The following TUBA1C variants were observed in gnomAD, a reference collection of about 807,000 sequenced individuals.
The protein encoded by TUBA1C is tubulin alpha-1C chain.
TUBA1C carries 16 observed loss-of-function variants against 34.9 expected under a neutral mutation model. That is an observed-to-expected ratio of 0.46 (90% CI 0.31 to 0.70). The LOEUF is 0.70. Ranked by LOEUF, TUBA1C falls within the 30% of genes least tolerant of loss-of-function variation. The probability of loss-of-function intolerance (pLI) is 0.05; values close to 1 mark genes in which losing one functional copy is unlikely to be tolerated. For synonymous variants in TUBA1C, 177 were observed against 215.9 expected (o/e 0.82, Z 1.58); for missense variants, 329 against 587.3 (o/e 0.56, Z 4.55).
intron 1 of TUBA1C, among the ~76,000 whole-genome samples, chr12:49,265,396 A>G (rs1260789900): frequency 6.6e-6 from 1 of 152,196 alleles, no homozygotes; most frequent in African/African-American, 2.4e-5. Flanking sequence ...GGGTGCGGCC[A>G]TCAGTGGAAA....
Position 49,273,475 on chromosome 12 carries a change from G to A in TUBA1C, c.*248G>A, listed in dbSNP as rs1327074919. On this transcript the variant is annotated 3_prime_UTR_variant, in exon 4 of 4. Transcript: ENST00000301072. ...ATAATACATAGCTCATTGCAGCCTC[G>A]AGCTCCTGGACTCATGTGATTCTCC... 5 of 576,488 alleles carry A rather than the reference G, an allele frequency of 8.7e-6. No homozygotes were observed. The highest frequency in any genetic ancestry group is 3.8e-5 in the African/African-American group (2 of 53,308). 35.7% of individuals were successfully genotyped at this position (576,488 alleles called of 1,614,324 possible).
intron 1 of TUBA1C, among the ~76,000 whole-genome samples, chr12:49,240,065 CA>C (rs1157345951): frequency 1.3e-5 from 2 of 151,728 alleles, no homozygotes; most frequent in African/African-American, 4.9e-5. Context: ...CACACACACA[CA>C]CACACACACA....
chr12:49,238,229 A>G (rs1592273702), intron 1 of TUBA1C, among the ~76,000 whole-genome samples: 1 of 152,306 alleles, frequency 6.6e-6, no homozygotes, highest in East Asian at 1.9e-4. Context: ...GGCTAGTGCC[A>G]CATCTATTGT....
At chr12:49,234,722 A>G (rs893177241) in intron 1 of TUBA1C, among the ~76,000 whole-genome samples, 4 of 152,260 alleles carry the variant, frequency 2.6e-5, no homozygotes, top group Non-Finnish European at 5.9e-5. Flanking sequence ...GCCTTTCTTC[A>G]CATATCGCTG....
At chr12:49,265,067 G>T, upstream of TUBA1C, 7 of 1,374,196 alleles carry the variant, frequency 5.1e-6, no homozygotes, top group Non-Finnish European at 5.7e-6. Context: ...GCCCTTCGGG[G>T]CCGGCCACCC....
chr12:49,265,091 C>A lies in TUBA1C; in HGVS notation c.-91C>A. ...GGCCGGCCACCCTTTCACTACTTCT[C>A]CCCCGGACTCCTTGGTAGTCTGTTA... On this transcript the variant is annotated 5_prime_UTR_variant, in exon 1 of 4. Coordinates refer to ENST00000301072, the MANE Select transcript of TUBA1C (RefSeq NM_032704.5). 4 of 1,486,608 alleles carry A rather than the reference C, an allele frequency of 2.7e-6. No homozygotes were observed. In the South Asian group the frequency reaches 4.2e-5, roughly 15 times the overall value. The allele number at this position is 1,486,608 out of a possible 1,614,324, so 92.1% of individuals were successfully genotyped here. A position where few individuals can be genotyped will look rare whatever the true frequency, so the allele number is the denominator to read the frequency against.
At chr12:49,270,915 C>G (rs1206812545) in intron 3 of TUBA1C, among the ~76,000 whole-genome samples, 1 of 152,034 alleles carries the variant, frequency 6.6e-6, no homozygotes, top group Non-Finnish European at 1.5e-5. Context: ...GGAGGCGGAG[C>G]TTGCAGTGAG....
intron 1 of TUBA1C, among the ~76,000 whole-genome samples, chr12:49,268,474 C>T (rs552075229): frequency 1.6e-4 from 25 of 152,090 alleles, no homozygotes; most frequent in African/African-American, 4.8e-4. Flanking sequence ...AACTCCTGAC[C>T]TCAAGTGATC....
At chr12:49,267,733 C>T (rs1447781652) in intron 1 of TUBA1C, among the ~76,000 whole-genome samples, 1 of 152,118 alleles carries the variant, frequency 6.6e-6, no homozygotes, top group Non-Finnish European at 1.5e-5. Context: ...GGTGAGTAGA[C>T]CCAGGTGATA....
chr12:49,269,768 T>A, intron 2 of TUBA1C, 60 bp from the exon 3 acceptor site: 1 of 1,613,418 alleles, frequency 6.2e-7, no homozygotes, highest in Non-Finnish European at 8.5e-7. Context: ...CGCTGGTCAC[T>A]CACCCACTCT....
At chr12:49,260,127 T>C (rs886341467), upstream of TUBA1C, among the ~76,000 whole-genome samples, 7 of 152,156 alleles carry the variant, frequency 4.6e-5, no homozygotes, top group South Asian at 2.1e-4. Context: ...CTGTAGACAA[T>C]TGAAGAATAT....
intron 1 of TUBA1C, among the ~76,000 whole-genome samples, chr12:49,230,968 G>A (rs1284479580): frequency 4.6e-5 from 7 of 152,174 alleles, no homozygotes; most frequent in Non-Finnish European, 1.0e-4. Context: ...ATGAGATAAT[G>A]TATGAAAAGA....
rs1035566009 is a variant in TUBA1C, at chr12:49,257,778, CA to C, written c.214-11679del. 1.3e-4 allele frequency: 20 copies of C among 150,228 alleles called. No homozygotes were observed. The South Asian group carries it at 1.6e-3, about 12-fold the overall frequency. The allele number at this position is 150,228 out of a possible 1,614,324, so 9.3% of individuals were successfully genotyped here. On this transcript the variant is annotated intron_variant, in intron 1 of 3. Transcript: ENST00000541364. ...TGGGTGACAGAGGGAGACCCTGTTT[CA>C]AAAAAAATGTTGTACAGCTGTACAA...
chr12:49,265,914 T>TC (rs1942901756), intron 1 of TUBA1C, among the ~76,000 whole-genome samples: 1 of 131,392 alleles, frequency 7.6e-6, no homozygotes, highest in East Asian at 2.4e-4. Flanking sequence ...CAGCACTTGT[T>TC]CGAGACAAAC....
chr12:49,232,425 G>A (rs1465592826), intron 1 of TUBA1C, among the ~76,000 whole-genome samples: 1 of 152,138 alleles, frequency 6.6e-6, no homozygotes, highest in Non-Finnish European at 1.5e-5. Flanking sequence ...CAAGCCACGT[G>A]TGGATTTCGG....
intron 1 of TUBA1C, chr12:49,256,460 A>T (rs367947073): frequency 4.4e-6 from 2 of 455,342 alleles, no homozygotes; most frequent in Non-Finnish European, 8.8e-6. Flanking sequence ...AGGGAACTGG[A>T]TAAGAAGTCG....
rs1206800392 is a variant in TUBA1C at position 49,272,421 on chromosome 12, G to A, written c.544G>A (p.Val182Ile). The change falls in exon 4 of 4, where the codon GTT becomes ATT. Residue 182 changes from valine to isoleucine, a missense_variant. Around this residue, in one of 4 missense-constraint regions of TUBA1C, gnomAD observed 152 missense variants for 240.3 expected, o/e 0.63. Transcript: ENST00000301072. ...YPAPQVSTAVVEPYNSILTTH... is the reference protein window; with the variant it reads ...YPAPQVSTAVIEPYNSILTTH... ...GGCGCCCCAGGTTTCCACAGCTGTAGTTGAGCCCTACAACTCCATCCTCAC... is the reference window on the plus strand; with the variant it reads ...GGCGCCCCAGGTTTCCACAGCTGTAATTGAGCCCTACAACTCCATCCTCAC... The A allele has an allele frequency of 6.2e-6, 10 of 1,613,654 alleles. No individual in the cohort carries two copies. The African/African-American group carries it at 1.2e-4, about 19-fold the overall frequency.
chr12:49,238,414 G>A (rs2136991100), intron 1 of TUBA1C, among the ~76,000 whole-genome samples: 1 of 152,208 alleles, frequency 6.6e-6, no homozygotes, highest in South Asian at 2.1e-4. Flanking sequence ...GATAGTAGCT[G>A]GGTGTTCTCT....
rs535448025 is a variant in TUBA1C, at chr12:49,254,495, A to C, written c.214-14970A>C. Among the ~76,000 whole-genome samples, 902 of 151,242 alleles carry C rather than the reference A, an allele frequency of 6.0e-3. 13 individuals are homozygous for C. Among genetic ancestry groups the C allele is most frequent in the East Asian group, 0.024 (126 of 5,154 alleles). ...AGGCTCCATCTAAACAAAAAAAAAAAAAAAAAAAAAAAACGGGAAATGAAT... is the reference window on the plus strand; with the variant it reads ...AGGCTCCATCTAAACAAAAAAAAAACAAAAAAAAAAAAACGGGAAATGAAT... On this transcript the variant is annotated intron_variant, in intron 1 of 3. Transcript: ENST00000541364.
Sources: allele counts gnomAD v4.1 joint callset (sites outside exome capture counted in the v4.1 genomes callset), GRCh38; gene constraint gnomAD v4.1.1; regional missense constraint gnomAD v4.1.1; transcripts MANE v1.5; gene names NCBI Gene and HGNC (gene_info 2026-07-23, HGNC 2026-07-21).